Variants in SAXO1 observed in about 807,000 individuals in gnomAD.
The protein encoded by SAXO1 is 4930500O09Rik.
In SAXO1, 21 loss-of-function variants were observed where a neutral mutation model predicts 17.5. The ratio of observed to expected loss-of-function variants is 1.20; its 90% CI spans 0.85 to 1.72. The LOEUF is 1.72. SAXO1 is among the 40% of genes most tolerant of loss of function. SAXO1 has a pLI of 0.00. For synonymous variants in SAXO1, 274 were observed against 216.5 expected, an observed-to-expected ratio of 1.27 and a Z score of -2.33; for missense variants, 843 against 596.0, an observed-to-expected ratio of 1.41 and a Z score of -4.32.
At chr9:19,016,205 G>A (rs1834967823) in intron 1 of SAXO1, among the ~76,000 whole-genome samples, 1 of 152,206 alleles carries the variant, frequency 6.6e-6, no homozygotes, top group African/African-American at 2.4e-5. Flanking sequence ...GGAGGCCGAG[G>A]CGGGTGGATC....
intron 2 of SAXO1, 90 bp downstream of exon 2, chr9:18,950,668 T>G (rs1056786288): frequency 7.5e-5 from 88 of 1,170,032 alleles, no homozygotes; most frequent in Non-Finnish European, 1.0e-4. Context: ...GCATTAGCAC[T>G]GCACATTACA....
At position 18,955,687 on chromosome 9, in the gene SAXO1, C is replaced by T. The variant is rs1344982530; in HGVS notation, c.39-4750G>A. The stretch of plus-strand genomic sequence containing the variant: ...TCTTACTTCCATAATTCATCTCAAT[C>T]TATAGCACCAAGTTTCGGTTTTATG... On this transcript the variant is annotated intron_variant, in intron 1 of 3. Transcript: ENST00000380534. Among the ~76,000 whole-genome samples, 4 of 152,160 alleles carry T rather than the reference C, an allele frequency of 2.6e-5. No individual in the cohort carries two copies. In the South Asian group the frequency reaches 6.2e-4, roughly 24 times the overall value.
At chr9:19,036,047 C>G (rs4381030), upstream of SAXO1, among the ~76,000 whole-genome samples, 11 of 148,692 alleles carry the variant, frequency 7.4e-5, 1 homozygote, top group African/African-American at 1.7e-4. Context: ...TAAGTGGGAG[C>G]TGAACAATGA....
chr9:19,034,312 G>C (rs1261092889), upstream of SAXO1, among the ~76,000 whole-genome samples: 1 of 151,948 alleles, frequency 6.6e-6, no homozygotes, highest in Non-Finnish European at 1.5e-5. Context: ...ATAGGCTCTA[G>C]AATAGAGGTC....
rs2131083005 is a variant in SAXO1 at position 19,049,262 on chromosome 9, CT to C, written c.-212del. On this transcript the variant is annotated 5_prime_UTR_variant, in exon 1 of 4. Coordinates refer to the SAXO1 transcript ENST00000542071. This position sits in a 1 kb window ranked among gnomAD's most constrained non-coding sequence, Gnocchi z 5.4. Reference sequence around the variant, plus strand: ...AGAACAAAAGACCGAAGTCCTCGAGCTTCCCTTCCATCTTAGGGCTCACGCC... The same window carrying C: ...AGAACAAAAGACCGAAGTCCTCGAGCTCCCTTCCATCTTAGGGCTCACGCC... 1 of 171,010 alleles carries C rather than the reference CT, an allele frequency of 5.8e-6. No homozygotes were observed. The highest frequency in any genetic ancestry group is 2.4e-5 in the African/African-American group (1 of 41,938). The allele number at this position is 171,010 out of a possible 1,614,324, so 10.6% of individuals were successfully genotyped here. A position where few individuals can be genotyped will look rare whatever the true frequency, so the allele number is the denominator to read the frequency against.
At chr9:19,003,852 A>G (rs1834382947) in intron 1 of SAXO1, among the ~76,000 whole-genome samples, 1 of 152,352 alleles carries the variant, frequency 6.6e-6, no homozygotes, top group South Asian at 2.1e-4. Flanking sequence ...TTCATGACTA[A>G]AACACCAAAA....
At chr9:18,935,360 A>G (rs1831239320) in intron 3 of SAXO1, among the ~76,000 whole-genome samples, 1 of 152,176 alleles carries the variant, frequency 6.6e-6, no homozygotes, top group Non-Finnish European at 1.5e-5. Flanking sequence ...AAGATCAGGC[A>G]GTTTATAAGT....
At chr9:19,025,769 T>C (rs1484983213) in intron 1 of SAXO1, among the ~76,000 whole-genome samples, 6 of 152,220 alleles carry the variant, frequency 3.9e-5, no homozygotes, top group African/African-American at 1.2e-4. Flanking sequence ...TATCAATCCC[T>C]TCATTAACAA....
chr9:18,947,633 C>G (rs1831852775), intron 2 of SAXO1: 1 of 152,212 alleles, frequency 6.6e-6, no homozygotes, highest in Non-Finnish European at 1.5e-5. Context: ...AAGTGTTTTA[C>G]ATGGTGACAT....
chr9:19,000,717 TA>T (rs1419994682), intron 1 of SAXO1, among the ~76,000 whole-genome samples: 9 of 151,516 alleles, frequency 5.9e-5, no homozygotes, highest in African/African-American at 1.9e-4. Context: ...AAAATAAAAA[TA>T]AAAAAATTAA....
rs148679017 is a variant in SAXO1, at chr9:18,967,820, G to A, written c.39-16883C>T. 4.8e-3 allele frequency among the ~76,000 whole-genome samples: 731 copies of A among 152,102 alleles called. 10 individuals carry two copies. The highest frequency in any genetic ancestry group is 0.017 in the African/African-American group (689 of 41,460). On this transcript the variant is annotated intron_variant, in intron 1 of 3. Transcript: ENST00000380534. ...AAAAAAAAACTCCTGCAGCTAGCTCGGTGTCTGCCCAAACAACTGCCCAGT... is the reference window on the plus strand; with the variant it reads ...AAAAAAAAACTCCTGCAGCTAGCTCAGTGTCTGCCCAAACAACTGCCCAGT...
intron 3 of SAXO1, among the ~76,000 whole-genome samples, chr9:18,933,822 T>A (rs889350584): frequency 2.6e-5 from 4 of 152,142 alleles, no homozygotes; most frequent in Non-Finnish European, 5.9e-5. Context: ...CAAGGTGGGC[T>A]GATCACGAGG....
chr9:19,022,106 T>C (rs550025575), intron 1 of SAXO1, among the ~76,000 whole-genome samples: 69 of 152,358 alleles, frequency 4.5e-4, no homozygotes, highest in African/African-American at 1.5e-3. Flanking sequence ...TGAGTTTCTG[T>C]GGCTTCATTC....
chr9:18,928,596 T>G lies in SAXO1; in HGVS notation c.881A>C (p.Tyr294Ser). The G allele has an allele frequency of 6.2e-7, 1 of 1,614,120 alleles. No individual in the cohort carries two copies. Reference protein sequence around the residue: ...PRMFSKAPITYVPPEDRMDLL... With the variant: ...PRMFSKAPITSVPPEDRMDLL... Reference sequence around the variant, plus strand: ...ATCCATCCTGTCTTCGGGAGGGACGTAGGTGATGGGAGCTTTGGAGAACAT... The same window carrying G: ...ATCCATCCTGTCTTCGGGAGGGACGGAGGTGATGGGAGCTTTGGAGAACAT... Residue 294 changes from tyrosine to serine, a missense_variant, in exon 4 of 4, where the codon TAC becomes TCC. Physicochemically the swap from Tyr to Ser is moderately radical, Grantham distance 144. Coordinates refer to ENST00000380534, the MANE Select transcript of SAXO1 (RefSeq NM_153707.4).
chr9:19,031,363 C>T (rs1240297161), intron 1 of SAXO1, among the ~76,000 whole-genome samples: 1 of 152,214 alleles, frequency 6.6e-6, no homozygotes, highest in Non-Finnish European at 1.5e-5. Context: ...GAGTTCAAAA[C>T]CAGCCTGGAC....
chr9:19,038,852 G>A (rs1278546017), intron 1 of SAXO1, among the ~76,000 whole-genome samples: 4 of 151,786 alleles, frequency 2.6e-5, no homozygotes, highest in African/African-American at 7.3e-5. Flanking sequence ...AAAAAAAAAT[G>A]GTAACTTGAA....
At chr9:18,952,041 A>G (rs1360394813) in intron 1 of SAXO1, among the ~76,000 whole-genome samples, 4 of 152,224 alleles carry the variant, frequency 2.6e-5, no homozygotes, top group Admixed American at 2.6e-4. Flanking sequence ...TTTCCATTTT[A>G]CTTGCATGGT....
At chr9:18,982,520 C>G (rs6475300) in intron 1 of SAXO1, among the ~76,000 whole-genome samples, 88,595 of 151,978 alleles carry the variant, frequency 0.58, 26,004 homozygotes, top group Non-Finnish European at 0.63. Flanking sequence ...CCAGGGTCTT[C>G]TGTCACTGGA....
intron 1 of SAXO1, among the ~76,000 whole-genome samples, chr9:18,973,841 A>G (rs943997519): frequency 1.3e-5 from 2 of 152,224 alleles, no homozygotes; most frequent in African/African-American, 4.8e-5. Flanking sequence ...ACAATGTACA[A>G]TTTTGTCTTT....
Sources: gnomAD v4.1 joint callset for allele counts (sites outside exome capture counted in the v4.1 genomes callset) on GRCh38, gnomAD v4.1.1 for gene constraint, Gnocchi (gnomAD v3.1) non-coding constraint, MANE v1.5 for transcripts, NCBI Gene and HGNC (gene_info 2026-07-23, HGNC 2026-07-21) for gene names.